Variants in ADAMTSL2 observed in about 807,000 individuals in gnomAD.
ADAMTSL2 encodes ADAMTS like 2, also known as ADAMTS-like protein 2.
A neutral mutation model predicts 117.0 loss-of-function variants in ADAMTSL2; 55 were observed. The observed-to-expected ratio is 0.47, with a 90% confidence interval of 0.38 to 0.59. ADAMTSL2 has a LOEUF of 0.59. Ranked by LOEUF, ADAMTSL2 falls within the 20% of genes least tolerant of loss-of-function variation. ADAMTSL2 has a pLI of 0.00. For missense variants in ADAMTSL2, 1,182 were observed against 1,354.5 expected, an observed-to-expected ratio of 0.87 and a Z score of 2.00; for synonymous variants, 572 against 566.4, an observed-to-expected ratio of 1.01 and a Z score of -0.14.
At chr9:133,540,083 T>C (rs184831216) in intron 5 of ADAMTSL2, among the ~76,000 whole-genome samples, 6 of 152,304 alleles carry the variant, frequency 3.9e-5, no homozygotes, top group African/African-American at 1.4e-4. Context: ...CAGGACAGAT[T>C]ACGGGACTGA....
intron 12 of ADAMTSL2, among the ~76,000 whole-genome samples, chr9:133,563,836 AGAG>A (rs1830812926): frequency 3.9e-5 from 2 of 51,346 alleles, no homozygotes; most frequent in African/African-American, 8.5e-5. Context: ...AGAGAGAGAG[AGAG>A]AGAGGGAGAG....
intron 8 of ADAMTSL2, among the ~76,000 whole-genome samples, chr9:133,546,531 G>T (rs1241713440): frequency 6.6e-6 from 1 of 152,156 alleles, no homozygotes; most frequent in Non-Finnish European, 1.5e-5. Context: ...TGCTCCCGTG[G>T]AGAGGTTGGA....
intron 9 of ADAMTSL2, among the ~76,000 whole-genome samples, chr9:133,547,831 G>A (rs913784123): frequency 6.6e-6 from 1 of 152,242 alleles, no homozygotes; most frequent in African/African-American, 2.4e-5. Context: ...CAGGGGTTCT[G>A]GGGTGGGGCT....
intron 1 of ADAMTSL2, among the ~76,000 whole-genome samples, chr9:133,535,274 G>A (rs998993537): frequency 3.9e-5 from 6 of 152,066 alleles, no homozygotes; most frequent in African/African-American, 1.2e-4. Context: ...GTCTTCAGCC[G>A]GCAGGCAGAG....
Position 133,567,042 on chromosome 9 carries a change from TG to T in ADAMTSL2, c.1857del (p.Arg620GlyfsTer88). 1 of 1,609,480 alleles carries T rather than the reference TG, an allele frequency of 6.2e-7. No individual in the cohort carries two copies. The highest frequency in any genetic ancestry group is 8.5e-7 in the Non-Finnish European group (1 of 1,179,600). On this transcript the variant is annotated frameshift_variant, in exon 13 of 19. Transcript: ENST00000651351. LOFTEE classifies it high-confidence loss of function. ...CCGAGCCTGTCCACGAGTTCTGCGC[TG>T]GGAGGGAGTGCCAGCCCAGGTACCT... The part of the protein sequence containing the change: ...RPEPVHEFCA[G>X]RECQPRWETS...
chr9:133,574,930 G>GT lies in ADAMTSL2; in HGVS notation c.*66_*67insT. ...CCCTCCTGGGGCTGCTGCAGCTTCT[G>GT]GGGCCTCCACAGACCCCCCTCCTGC... On this transcript the variant is annotated 3_prime_UTR_variant, in exon 19 of 19. Coordinates refer to ENST00000651351, the MANE Select transcript of ADAMTSL2 (RefSeq NM_014694.4). 2.2e-6 allele frequency: 3 copies of GT among 1,334,686 alleles called. No individual in the cohort carries two copies. The highest frequency in any genetic ancestry group is 2.2e-6 in the Non-Finnish European group (2 of 928,560). The allele number at this position is 1,334,686 out of a possible 1,614,324, so 82.7% of individuals were successfully genotyped here.
chr9:133,534,816 T>A lies in ADAMTSL2; in HGVS notation c.-252T>A. ...GAGAGGGAGGCCGGGCCGCAGCCTC[T>A]GCACTCACGCCGCCCCCGCACGCAC... On this transcript the variant is annotated 5_prime_UTR_variant, in exon 1 of 19. Coordinates refer to ENST00000651351, the MANE Select transcript of ADAMTSL2 (RefSeq NM_014694.4). 3 of 1,493,154 alleles carry A rather than the reference T, an allele frequency of 2.0e-6. No individual in the cohort carries two copies. The highest frequency in any genetic ancestry group is 2.8e-5 in the East Asian group (1 of 35,246). 92.5% of individuals were successfully genotyped at this position (1,493,154 alleles called of 1,614,324 possible). A position where few individuals can be genotyped will look rare whatever the true frequency, so the allele number is the denominator to read the frequency against.
At chr9:133,540,316 C>T (rs1237410115) in intron 5 of ADAMTSL2, among the ~76,000 whole-genome samples, 6 of 152,232 alleles carry the variant, frequency 3.9e-5, no homozygotes, top group Non-Finnish European at 5.9e-5. Context: ...ACAGGGGTGT[C>T]GAGTTGGCTC....
chr9:133,571,281 G>A (rs1831100575), intron 17 of ADAMTSL2, among the ~76,000 whole-genome samples: 1 of 152,158 alleles, frequency 6.6e-6, no homozygotes, highest in South Asian at 2.1e-4. Flanking sequence ...AGTTACTGGG[G>A]GCTGTAGCAG....
chr9:133,543,959 G>A (rs770277189), intron 7 of ADAMTSL2, among the ~76,000 whole-genome samples: 43 of 152,264 alleles, frequency 2.8e-4, no homozygotes, highest in Non-Finnish European at 5.3e-4. Flanking sequence ...CTGGGGCCTG[G>A]TGCTTAGGAA....
chr9:133,563,880 A>G (rs1407353095), intron 12 of ADAMTSL2, among the ~76,000 whole-genome samples: 3 of 49,902 alleles, frequency 6.0e-5, no homozygotes, highest in Non-Finnish European at 8.3e-5. Context: ...AGAGAGAGAG[A>G]GAGAGGGAGA....
At chr9:133,538,567 A>T (rs1830111545) in intron 4 of ADAMTSL2, 143 bp downstream of exon 4, 2 of 959,172 alleles carry the variant, frequency 2.1e-6, no homozygotes, top group Non-Finnish European at 3.2e-6. Flanking sequence ...AGCAGGGTTG[A>T]GAAGGCTGCG....
intron 11 of ADAMTSL2, among the ~76,000 whole-genome samples, chr9:133,559,351 ATTTT>A (rs369151881): frequency 1.3e-4 from 12 of 91,316 alleles, no homozygotes; most frequent in Admixed American, 1.1e-4. Context: ...ACCCACCCCC[ATTTT>A]TTTTTTTTTT....
chr9:133,544,670 T>C, intron 8 of ADAMTSL2, 120 bp downstream of exon 8: 1 of 905,038 alleles, frequency 1.1e-6, no homozygotes, highest in Non-Finnish European at 1.8e-6. Context: ...GGACCAGTGC[T>C]GTGGGCATGG....
In ADAMTSL2 at chr9:133,539,102, C is replaced by T. The variant is rs140557351; in HGVS notation, c.310-669C>T. Among the ~76,000 whole-genome samples the T allele has an allele frequency of 6.0e-4, 92 of 152,200 alleles. 1 individual carries two copies. The East Asian group carries it at 0.016, about 27-fold the overall frequency. On this transcript the variant is annotated intron_variant, in intron 4 of 18. Coordinates refer to ENST00000651351, the MANE Select transcript of ADAMTSL2 (RefSeq NM_014694.4). ...CTGTGTGTCTCAGGGGGTGTGTGCG[C>T]ACGTGCAGGGAGTGAGGGGCTGGAG...
At position 133,540,896 on chromosome 9, in the gene ADAMTSL2, G is replaced by T. The variant is rs750340253; in HGVS notation, c.577G>T (p.Val193Leu). Residue 193 changes from valine to leucine, a missense_variant, in exon 7 of 19, where the codon GTG becomes TTG. Around this residue, in one of 3 missense-constraint regions of ADAMTSL2, gnomAD observed 372 missense variants for 463.4 expected, o/e 0.80. Coordinates refer to ENST00000651351, the MANE Select transcript of ADAMTSL2 (RefSeq NM_014694.4). ...GKCEPIGCDGVLFSTHTLDKC... is the reference protein window; with the variant it reads ...GKCEPIGCDGLLFSTHTLDKC... ...CCTGCAGCCCATCGGCTGTGACGGG[G>T]TGCTTTTCTCCACCCACACACTGGA... 4 of 1,613,318 alleles carry T rather than the reference G, an allele frequency of 2.5e-6. No homozygotes were observed. Among genetic ancestry groups the T allele is most frequent in the East Asian group, 2.2e-5 (1 of 44,898 alleles).
At chr9:133,568,535 G>A in intron 14 of ADAMTSL2, 49 bp downstream of exon 14, 6 of 1,568,108 alleles carry the variant, frequency 3.8e-6, no homozygotes, top group Non-Finnish European at 5.2e-6. Context: ...CTGGGGAGCT[G>A]GGCTTGGGAG....
At chr9:133,537,678 T>A in intron 3 of ADAMTSL2, 131 bp downstream of exon 3, 2 of 1,077,142 alleles carry the variant, frequency 1.9e-6, no homozygotes, top group South Asian at 8.6e-5. Context: ...CAGCACAGGC[T>A]GAGTCCCCCC....
chr9:133,533,590 G>A (rs896795631), upstream of ADAMTSL2, among the ~76,000 whole-genome samples: 6 of 152,172 alleles, frequency 3.9e-5, no homozygotes, highest in Non-Finnish European at 8.8e-5. Context: ...CGGTATTATC[G>A]CTTTCACTAC....
Sources: allele counts gnomAD v4.1 joint callset (sites outside exome capture counted in the v4.1 genomes callset), GRCh38; gene constraint gnomAD v4.1.1; regional missense constraint gnomAD v4.1.1; transcripts MANE v1.5; gene names NCBI Gene and HGNC (gene_info 2026-07-23, HGNC 2026-07-21).